The following IGDCC4 variants were observed in gnomAD, a reference collection of about 807,000 sequenced individuals.
IGDCC4 encodes likely ortholog of mouse neighbor of Punc E11.
Under a neutral mutation model 116.6 loss-of-function variants are expected in IGDCC4, and 72 were observed. That is an observed-to-expected ratio of 0.62 (90% confidence interval 0.51 to 0.75). IGDCC4 has a LOEUF of 0.75. Among genes scored for constraint, IGDCC4 ranks in the 30% least tolerant of loss-of-function variants. The pLI, the probability that IGDCC4 is intolerant of heterozygous loss-of-function variation, is 0.00. For missense variants in IGDCC4, 1,501 were observed against 1,662.4 expected, an observed-to-expected ratio of 0.90 and a Z score of 1.69; for synonymous variants, 709 against 719.9, an observed-to-expected ratio of 0.98 and a Z score of 0.24.
rs1418997003 is a variant in IGDCC4, at chr15:65,383,999, C to T, written c.*10G>A. On this transcript the variant is annotated 3_prime_UTR_variant, in exon 20 of 20. Coordinates refer to ENST00000352385, the MANE Select transcript of IGDCC4 (RefSeq NM_020962.3). ...ACCTGCCTGCCCCAAACCACATCCTCTGGGAAGAGCTAGGCAGAGGAGGAG... is the reference window on the plus strand; with the variant it reads ...ACCTGCCTGCCCCAAACCACATCCTTTGGGAAGAGCTAGGCAGAGGAGGAG... 6.4e-7 allele frequency: 1 copy of T among 1,566,172 alleles called. No individual in the cohort carries two copies. The highest frequency in any genetic ancestry group is 1.4e-5 in the African/African-American group (1 of 73,826).
In IGDCC4 at chr15:65,391,973, G is replaced by A. The variant is rs1229703646; in HGVS notation, c.2131C>T (p.Arg711Trp). ...QYELTQLVPG[R>W]LYEVKLVAFN... Reference sequence around the variant, plus strand: ...GCCACGAGCTTCACCTCGTACAGCCGGCCAGGGACTGGGGAAGGTTACAGG... The same window carrying A: ...GCCACGAGCTTCACCTCGTACAGCCAGCCAGGGACTGGGGAAGGTTACAGG... The change falls in exon 12 of 20, where the codon CGG becomes TGG. Residue 711 changes from arginine to tryptophan, a missense_variant. Arg to Trp is a moderately radical substitution (Grantham distance 101). Around this residue, in one of 3 missense-constraint regions of IGDCC4, gnomAD observed 898 missense variants for 978.9 expected, o/e 0.92. Transcript: ENST00000352385. The A allele has an allele frequency of 2.5e-6, 4 of 1,610,000 alleles. No homozygotes were observed. Among genetic ancestry groups the A allele is most frequent in the Middle Eastern group, 1.7e-4 (1 of 6,026 alleles).
intron 8 of IGDCC4, 46 bp downstream of exon 8, chr15:65,395,048 A>G: frequency 2.6e-6 from 4 of 1,560,734 alleles, no homozygotes; most frequent in Non-Finnish European, 3.5e-6. Flanking sequence ...CTCCCCAGGG[A>G]ATTCTCTTTA....
At chr15:65,391,842 C>T in intron 12 of IGDCC4, 38 bp downstream of exon 12, 1 of 1,575,060 alleles carries the variant, frequency 6.3e-7, no homozygotes, top group Non-Finnish European at 8.7e-7. Context: ...AGAGCCCTCA[C>T]CTGAGCCCTC....
chr15:65,384,451 G>T lies in IGDCC4; in HGVS notation c.3343-32C>A. 1.4e-6 allele frequency: 2 copies of T among 1,478,768 alleles called. No individual in the cohort carries two copies. Among genetic ancestry groups the T allele is most frequent in the South Asian group, 2.8e-5 (2 of 71,234 alleles). 91.6% of individuals were successfully genotyped at this position (1,478,768 alleles called of 1,614,324 possible). A position where few individuals can be genotyped will look rare whatever the true frequency, so the allele number is the denominator to read the frequency against. On this transcript the variant is annotated intron_variant, in intron 19 of 19. Transcript: ENST00000352385. This position sits in a 1 kb window ranked among gnomAD's most constrained non-coding sequence, Gnocchi z 4.9. ...AGAGCAGAGAACACAAAGACAAAGT[G>T]ACCATTACTGAGAGTAATCATCAGA...
At chr15:65,407,643 TAA>T (rs2063052392) in intron 3 of IGDCC4, among the ~76,000 whole-genome samples, 1 of 150,584 alleles carries the variant, frequency 6.6e-6, no homozygotes, top group Non-Finnish European at 1.5e-5. Context: ...GCACCTGGCC[TAA>T]GTTTTGTATT....
chr15:65,395,597 T>C (rs998977623), intron 7 of IGDCC4, among the ~76,000 whole-genome samples, 153 bp downstream of exon 7: 3 of 152,128 alleles, frequency 2.0e-5, no homozygotes, highest in African/African-American at 7.2e-5. Context: ...ATACCTACCA[T>C]ACTTATGCGG....
At position 65,393,414 on chromosome 15, in the gene IGDCC4, G is replaced by A. The variant is rs2062886588; in HGVS notation, c.1832C>T (p.Ala611Val). 4 of 1,613,536 alleles carry A rather than the reference G, an allele frequency of 2.5e-6. No individual in the cohort carries two copies. In the South Asian group the frequency reaches 4.4e-5, roughly 18 times the overall value. ...ISAGTAAGFG[A>V]PSQWMHHRTP... Reference sequence around the variant, plus strand: ...CCTGTGATGCATCCACTGGGAGGGGGCCCCGAAGCCGGCTGCTGTACCAGC... The same window carrying A: ...CCTGTGATGCATCCACTGGGAGGGGACCCCGAAGCCGGCTGCTGTACCAGC... The change falls in exon 10 of 20, where the codon GCC becomes GTC. Residue 611 changes from alanine to valine, a missense_variant. Coordinates refer to ENST00000352385, the MANE Select transcript of IGDCC4 (RefSeq NM_020962.3). This position sits in a 1 kb window ranked among gnomAD's most constrained non-coding sequence, Gnocchi z 4.6.
rs74379770 is a variant in IGDCC4 at position 65,395,400 on chromosome 15, A to G, written c.1412-142T>C. On this transcript the variant is annotated intron_variant, in intron 7 of 19. Coordinates refer to ENST00000352385, the MANE Select transcript of IGDCC4 (RefSeq NM_020962.3). ...CAGATAATCTGAGCTGGAGTGTATA[A>G]ACTCCCTCAGCTTCCTGTCTCAGTG... 1,093 of 842,370 alleles carry G rather than the reference A, an allele frequency of 1.3e-3. 10 individuals are homozygous for G. In the African/African-American group the frequency reaches 0.016, roughly 12 times the overall value. 52.2% of individuals were successfully genotyped at this position (842,370 alleles called of 1,614,324 possible).
rs1485873650 is a variant in IGDCC4, at chr15:65,384,456, T to C, written c.3343-37A>G. 1.4e-6 allele frequency: 2 copies of C among 1,475,104 alleles called. No individual in the cohort carries two copies. The highest frequency in any genetic ancestry group is 1.8e-6 in the Non-Finnish European group (2 of 1,116,160). The allele number at this position is 1,475,104 out of a possible 1,614,324, so 91.4% of individuals were successfully genotyped here. ...AGAGAACACAAAGACAAAGTGACCA[T>C]TACTGAGAGTAATCATCAGAATGAC... On this transcript the variant is annotated intron_variant, in intron 19 of 19. Transcript: ENST00000352385. The surrounding 1 kb of genome is among the most constrained non-coding windows in gnomAD (Gnocchi z 4.9).
chr15:65,417,228 C>T (rs1001084593), intron 1 of IGDCC4, among the ~76,000 whole-genome samples: 2 of 152,150 alleles, frequency 1.3e-5, no homozygotes, highest in Admixed American at 6.5e-5. Context: ...ACCTTGGCCA[C>T]CTCCCTTACC....
intron 1 of IGDCC4, among the ~76,000 whole-genome samples, chr15:65,412,778 AT>A (rs1327040067): frequency 6.6e-6 from 1 of 151,624 alleles, no homozygotes; most frequent in African/African-American, 2.4e-5. Context: ...ATAAAAAAAA[AT>A]TTTTTTAATT....
At position 65,385,813 on chromosome 15, in the gene IGDCC4, T is replaced by C. The variant is rs1046762879; in HGVS notation, c.3180+18A>G. The stretch of plus-strand genomic sequence containing the variant: ...TGTCCTATTTAGAAAAGAGCCGCAA[T>C]GTGGGGCTCTGACTTACCTTTCTTT... On this transcript the variant is annotated intron_variant, in intron 18 of 19. Coordinates refer to ENST00000352385, the MANE Select transcript of IGDCC4 (RefSeq NM_020962.3). The C allele has an allele frequency of 2.2e-5, 35 of 1,584,190 alleles. No individual in the cohort carries two copies. Among genetic ancestry groups the C allele is most frequent in the Non-Finnish European group, 2.4e-5 (28 of 1,154,446 alleles).
intron 1 of IGDCC4, among the ~76,000 whole-genome samples, chr15:65,415,119 G>C (rs772225445): frequency 6.6e-6 from 1 of 152,210 alleles, no homozygotes; most frequent in Non-Finnish European, 1.5e-5. Flanking sequence ...AGGGTAGGAG[G>C]AAGGCAAGCC....
chr15:65,418,229 T>C (rs1428666821), intron 1 of IGDCC4, among the ~76,000 whole-genome samples: 1 of 152,158 alleles, frequency 6.6e-6, no homozygotes, highest in Non-Finnish European at 1.5e-5. Context: ...AAAGCAGAGA[T>C]AGAACAGCTG....
At position 65,383,059 on chromosome 15, in the gene IGDCC4, G is replaced by A. The variant is rs946636739; in HGVS notation, c.*950C>T. 1 of 152,748 alleles carries A rather than the reference G, an allele frequency of 6.5e-6. No homozygotes were observed. The highest frequency in any genetic ancestry group is 2.4e-5 in the African/African-American group (1 of 41,448). 9.5% of individuals were successfully genotyped at this position (152,748 alleles called of 1,614,324 possible). ...GGCGTGGGTGGGCTGCCTGGGGCAG[G>A]GCAAGCAGAAGCACTGAGTGAAGAG... On this transcript the variant is annotated 3_prime_UTR_variant, in exon 20 of 20. Transcript: ENST00000352385.
chr15:65,415,929 T>G (rs1049781807), intron 1 of IGDCC4, among the ~76,000 whole-genome samples: 1 of 152,070 alleles, frequency 6.6e-6, no homozygotes, highest in Admixed American at 6.6e-5. Flanking sequence ...GGGGGTGTGG[T>G]GGGACAAGCC....
Position 65,410,157 on chromosome 15 carries a change from G to A in IGDCC4, c.563+21C>T, listed in dbSNP as rs376244275. On this transcript the variant is annotated intron_variant, in intron 3 of 19. Coordinates refer to ENST00000352385, the MANE Select transcript of IGDCC4 (RefSeq NM_020962.3). ...CTCTCTGCCCTGCCTACCAGGACCC[G>A]CTCCCCTACAGGGCACTCACCGAGG... 73 of 1,611,012 alleles carry A rather than the reference G, an allele frequency of 4.5e-5. No homozygotes were observed. The Middle Eastern group carries it at 1.2e-3, about 28-fold the overall frequency.
chr15:65,393,196 GCCCT>G lies in IGDCC4; in HGVS notation c.1885+161_1885+164del, dbSNP rs750708069. Among the ~76,000 whole-genome samples the G allele has an allele frequency of 3.3e-5, 5 of 152,152 alleles. No individual in the cohort carries two copies. Among genetic ancestry groups the G allele is most frequent in the Non-Finnish European group, 5.9e-5 (4 of 68,014 alleles). On this transcript the variant is annotated intron_variant, in intron 10 of 19. Transcript: ENST00000352385. The surrounding 1 kb of genome is among the most constrained non-coding windows in gnomAD (Gnocchi z 4.6). ...CAAATCGAAGGGACACCAGATCCCA[GCCCT>G]TCACCTCTGCACCTAAGCCTCACTC...
intron 5 of IGDCC4, among the ~76,000 whole-genome samples, chr15:65,399,384 G>A (rs918230410): frequency 1.1e-4 from 17 of 150,258 alleles, no homozygotes; most frequent in African/African-American, 1.5e-4. Flanking sequence ...CACCTGAGCC[G>A]GCAAAAGTTG....
Sources: gnomAD v4.1 joint callset for allele counts (sites outside exome capture counted in the v4.1 genomes callset) on GRCh38, gnomAD v4.1.1 for gene constraint, gnomAD v4.1.1 regional missense constraint, Gnocchi (gnomAD v3.1) non-coding constraint, MANE v1.5 for transcripts, NCBI Gene and HGNC (gene_info 2026-07-23, HGNC 2026-07-21) for gene names.